The following DGCR2 variants were observed in gnomAD, a reference collection of about 807,000 sequenced individuals.
DGCR2 encodes the protein integral membrane protein DGCR2/IDD.
A neutral mutation model predicts 51.6 loss-of-function variants in DGCR2; 24 were observed. The ratio of observed to expected loss-of-function variants is 0.47; its 90% confidence interval spans 0.34 to 0.65. DGCR2 has a LOEUF of 0.65. Ranked by LOEUF, DGCR2 falls within the 30% of genes least tolerant of loss-of-function variation. The probability of loss-of-function intolerance (pLI) is 0.01; values close to 1 mark genes in which losing one functional copy is unlikely to be tolerated. For missense variants in DGCR2, 765 were observed against 772.1 expected, an observed-to-expected ratio of 0.99 and a Z score of 0.11; for synonymous variants, 340 against 315.4, an observed-to-expected ratio of 1.08 and a Z score of -0.82.
At position 19,113,122 on chromosome 22, in the gene DGCR2, A is replaced by C. The variant is rs77791801; in HGVS notation, c.79+9006T>G. Among the ~76,000 whole-genome samples, 28 of 152,148 alleles carry C rather than the reference A, an allele frequency of 1.8e-4. 2 individuals are homozygous for C. The highest frequency in any genetic ancestry group is 6.5e-4 in the African/African-American group (27 of 41,428). On this transcript the variant is annotated intron_variant, in intron 1 of 9. Coordinates refer to ENST00000263196, the MANE Select transcript of DGCR2 (RefSeq NM_005137.3). Reference sequence around the variant, plus strand: ...CACAGTGGCTCACGGCTGTAATACCAGCACTTTGGGAGGTGGAGGTAGGCA... The same window carrying C: ...CACAGTGGCTCACGGCTGTAATACCCGCACTTTGGGAGGTGGAGGTAGGCA...
At chr22:19,043,551 C>T (rs1694114085) in intron 7 of DGCR2, among the ~76,000 whole-genome samples, 1 of 152,208 alleles carries the variant, frequency 6.6e-6, no homozygotes, top group South Asian at 2.1e-4. Flanking sequence ...CCAGAAGTAG[C>T]TTCCTCCACA....
At chr22:19,089,325 A>G (rs774460096) in intron 2 of DGCR2, 43 bp downstream of exon 2, 3 of 1,521,364 alleles carry the variant, frequency 2.0e-6, no homozygotes, top group Non-Finnish European at 2.7e-6. Context: ...AGCTACAACA[A>G]AGAGACAAGG....
chr22:19,060,023 C>T (rs2082643624), intron 5 of DGCR2, among the ~76,000 whole-genome samples: 1 of 152,198 alleles, frequency 6.6e-6, no homozygotes. Context: ...CCACCAGGGG[C>T]TGTCCAGATG....
At chr22:19,056,567 A>AACC in intron 6 of DGCR2, 1 of 271,538 alleles carries the variant, frequency 3.7e-6, no homozygotes. Flanking sequence ...AAAAAAAAAA[A>AACC]CACACACACC....
At chr22:19,039,174 G>A (rs2082404760) in intron 9 of DGCR2, 53 bp from the exon 10 acceptor site, 2 of 1,600,642 alleles carry the variant, frequency 1.2e-6, no homozygotes, top group Non-Finnish European at 1.7e-6. Flanking sequence ...TGGCACAGGG[G>A]ATGCAGGGGA....
intron 1 of DGCR2, among the ~76,000 whole-genome samples, chr22:19,112,345 T>C (rs962938305): frequency 1.3e-5 from 2 of 151,718 alleles, no homozygotes; most frequent in Non-Finnish European, 2.9e-5. Flanking sequence ...TACCAATTAG[T>C]GTAATGAAAG....
chr22:19,043,310 AT>A (rs1307100170), intron 7 of DGCR2, among the ~76,000 whole-genome samples: 3 of 152,204 alleles, frequency 2.0e-5, no homozygotes, highest in Non-Finnish European at 4.4e-5. Context: ...TCTGGTCCAA[AT>A]GTCAACACCG....
chr22:19,044,202 A>C (rs1005886222), intron 7 of DGCR2, among the ~76,000 whole-genome samples: 2 of 152,216 alleles, frequency 1.3e-5, no homozygotes, highest in African/African-American at 4.8e-5. Context: ...ACTTGTAGTC[A>C]AGCACAAAGA....
At chr22:19,077,605 A>G (rs1471217584) in intron 2 of DGCR2, among the ~76,000 whole-genome samples, 1 of 152,242 alleles carries the variant, frequency 6.6e-6, no homozygotes, top group Non-Finnish European at 1.5e-5. Context: ...AATAAGGTTT[A>G]AAGTCAGGAA....
intron 1 of DGCR2, among the ~76,000 whole-genome samples, chr22:19,116,369 T>C (rs753993746): frequency 2.0e-5 from 3 of 152,252 alleles, no homozygotes; most frequent in Non-Finnish European, 4.4e-5. Context: ...CAGCTTGGAA[T>C]GGCAGGATGA....
In DGCR2 at chr22:19,044,242, G is replaced by GCCCAGGGGC. The variant is rs200793484; in HGVS notation, c.1007-2292_1007-2284dup. Reference sequence around the variant, plus strand: ...AGCCTGCCCCAGAAGCCAGAGGCCAGCCCAGGGGCCCCAGAGGCCCCTTGA... The same window carrying GCCCAGGGGC: ...AGCCTGCCCCAGAAGCCAGAGGCCAGCCCAGGGGCCCCAGGGGCCCCAGAGGCCCCTTGA... On this transcript the variant is annotated intron_variant, in intron 7 of 9. Coordinates refer to ENST00000263196, the MANE Select transcript of DGCR2 (RefSeq NM_005137.3). 1.2e-3 allele frequency among the ~76,000 whole-genome samples: 190 copies of GCCCAGGGGC among 152,326 alleles called. 3 individuals are homozygous for GCCCAGGGGC. In the East Asian group the frequency reaches 0.031, roughly 25 times the overall value.
intron 1 of DGCR2, among the ~76,000 whole-genome samples, chr22:19,096,590 A>T (rs1467699529): frequency 7.0e-6 from 1 of 143,864 alleles, no homozygotes; most frequent in African/African-American, 2.8e-5. Flanking sequence ...CTGTGTCCAT[A>T]AAGTTAACAA....
At chr22:19,107,317 G>C (rs2083269883) in intron 1 of DGCR2, among the ~76,000 whole-genome samples, 1 of 152,204 alleles carries the variant, frequency 6.6e-6, no homozygotes, top group South Asian at 2.1e-4. Context: ...CCAAGCGCTA[G>C]GGGAGTGCCA....
chr22:19,095,178 C>A (rs1466771151), intron 1 of DGCR2, among the ~76,000 whole-genome samples: 2 of 152,070 alleles, frequency 1.3e-5, no homozygotes, highest in African/African-American at 4.8e-5. Context: ...GCCTGACCAA[C>A]ATGGAAAAAC....
intron 2 of DGCR2, among the ~76,000 whole-genome samples, chr22:19,083,990 G>A (rs888896586): frequency 7.2e-5 from 11 of 152,128 alleles, no homozygotes; most frequent in African/African-American, 2.2e-4. Context: ...CCGAGGTGCC[G>A]GGATTGCAGA....
Position 19,057,388 on chromosome 22 carries a change from A to G in DGCR2, c.626-226T>C, listed in dbSNP as rs2082615661. ...GCCACTCCTTGGAGCCTGCAAGCAC[A>G]CAGGCCACAAACCCTGGGTAGCAGT... is the stretch of plus-strand genomic sequence containing the variant. On this transcript the variant is annotated intron_variant, in intron 5 of 9. Coordinates refer to ENST00000263196, the MANE Select transcript of DGCR2 (RefSeq NM_005137.3). This position sits in a 1 kb window ranked among gnomAD's most constrained non-coding sequence, Gnocchi z 5.1. Among the ~76,000 whole-genome samples the G allele has an allele frequency of 6.6e-6, 1 of 152,236 alleles. No individual in the cohort carries two copies. The highest frequency in any genetic ancestry group is 2.4e-5 in the African/African-American group (1 of 41,466).
intron 8 of DGCR2, 41 bp from the exon 9 acceptor site, chr22:19,041,335 A>C: frequency 6.3e-7 from 1 of 1,593,986 alleles, no homozygotes; most frequent in South Asian, 1.1e-5. Flanking sequence ...GAGACAAGTC[A>C]CTGGGGGCAG....
intron 7 of DGCR2, among the ~76,000 whole-genome samples, chr22:19,043,754 G>A (rs2082458680): frequency 6.6e-6 from 1 of 152,152 alleles, no homozygotes; most frequent in South Asian, 2.1e-4. Context: ...GTGAGTGGCT[G>A]GGTTCCCAGA....
chr22:19,052,474 C>T (rs2082559771), intron 6 of DGCR2, among the ~76,000 whole-genome samples: 1 of 151,858 alleles, frequency 6.6e-6, no homozygotes, highest in African/African-American at 2.4e-5. Flanking sequence ...CACGTTTGCA[C>T]AAAAACCTGT....
Sources: gnomAD v4.1 joint callset for allele counts (sites outside exome capture counted in the v4.1 genomes callset) on GRCh38, gnomAD v4.1.1 for gene constraint, Gnocchi (gnomAD v3.1) non-coding constraint, MANE v1.5 for transcripts, NCBI Gene and HGNC (gene_info 2026-07-23, HGNC 2026-07-21) for gene names.